The following GULP1 variants were observed in gnomAD, a reference collection of about 807,000 sequenced individuals.
The protein encoded by GULP1 is PTB domain-containing engulfment adapter protein 1.
A neutral mutation model predicts 40.9 loss-of-function variants in GULP1; 19 were observed. The ratio of observed to expected loss-of-function variants is 0.46; its 90% CI spans 0.32 to 0.68. The LOEUF (loss-of-function observed/expected upper bound fraction) is 0.68. Among genes scored for constraint, GULP1 ranks in the 30% least tolerant of loss-of-function variants. The pLI is 0.03. For missense variants in GULP1, 312 were observed against 362.2 expected, an observed-to-expected ratio of 0.86 and a Z score of 1.12; for synonymous variants, 119 against 117.6, an observed-to-expected ratio of 1.01 and a Z score of -0.08.
intron 1 of GULP1, among the ~76,000 whole-genome samples, chr2:188,332,655 G>T (rs1421816063): frequency 6.6e-6 from 1 of 152,074 alleles, no homozygotes; most frequent in African/African-American, 2.4e-5. Context: ...TTTCACTGCA[G>T]AGTGGCTGAA....
At chr2:188,465,995 A>T (rs902507452) in intron 2 of GULP1, among the ~76,000 whole-genome samples, 1 of 151,540 alleles carries the variant, frequency 6.6e-6, no homozygotes, top group Non-Finnish European at 1.5e-5. Context: ...GTGTGTGTAG[A>T]TAGTTGTTAA....
chr2:188,475,475 A>T (rs1015828901), intron 2 of GULP1, among the ~76,000 whole-genome samples: 1 of 151,902 alleles, frequency 6.6e-6, no homozygotes, highest in Admixed American at 6.6e-5. Flanking sequence ...AAGCCACGCT[A>T]TTGTTTAATT....
intron 4 of GULP1, among the ~76,000 whole-genome samples, chr2:188,491,088 A>T (rs2062340521): frequency 6.6e-6 from 1 of 152,040 alleles, no homozygotes; most frequent in African/African-American, 2.4e-5. Context: ...ATGAGCCACC[A>T]TGCCTAGCCG....
At chr2:188,304,605 G>T (rs1298910954) in intron 1 of GULP1, among the ~76,000 whole-genome samples, 2 of 152,150 alleles carry the variant, frequency 1.3e-5, no homozygotes, top group Admixed American at 1.3e-4. Context: ...CACCTTTGTA[G>T]CTGTCTTTAC....
intron 1 of GULP1, among the ~76,000 whole-genome samples, chr2:188,332,784 T>G (rs2041782231): frequency 6.6e-6 from 1 of 152,086 alleles, no homozygotes; most frequent in African/African-American, 2.4e-5. Flanking sequence ...TGTTATAAAT[T>G]CAGAACTGTG....
intron 2 of GULP1, among the ~76,000 whole-genome samples, chr2:188,462,634 C>A (rs182946336): frequency 4.6e-5 from 7 of 152,120 alleles, no homozygotes; most frequent in Admixed American, 4.6e-4. Flanking sequence ...TTGTTATATC[C>A]TTTTGCTGAA....
chr2:188,449,611 A>T lies in GULP1; in HGVS notation c.-44-28048A>T, dbSNP rs72911455. Among the ~76,000 whole-genome samples, 804 of 152,310 alleles carry T rather than the reference A, an allele frequency of 5.3e-3. 7 individuals are homozygous for T. Among genetic ancestry groups the T allele is most frequent in the Middle Eastern group, 0.01 (3 of 294 alleles). On this transcript the variant is annotated intron_variant, in intron 2 of 11. Transcript: ENST00000409830. ...TGGGTAGTATAGAGTATGGAGTACA[A>T]TGATGAAGCTAAAAATTAAAATAGG...
intron 1 of GULP1, among the ~76,000 whole-genome samples, chr2:188,355,919 G>A (rs1449330559): frequency 6.6e-6 from 1 of 151,948 alleles, no homozygotes; most frequent in Non-Finnish European, 1.5e-5. Flanking sequence ...TCAACAGAAT[G>A]AAAGACAAAA....
chr2:188,422,387 T>C (rs1427573149), intron 2 of GULP1, among the ~76,000 whole-genome samples: 2 of 151,332 alleles, frequency 1.3e-5, no homozygotes. Context: ...TATGTATATG[T>C]ATACACACAC....
chr2:188,494,784 T>C (rs2062742665), intron 4 of GULP1, among the ~76,000 whole-genome samples: 1 of 152,068 alleles, frequency 6.6e-6, no homozygotes, highest in Non-Finnish European at 1.5e-5. Context: ...ATCTCTCTTA[T>C]ATGTTCTTTT....
Position 188,369,805 on chromosome 2 carries a change from G to A in GULP1, c.-171-13958G>A, listed in dbSNP as rs549476008. ...TAATTCTCTTCCCATCCCGCTCAGA[G>A]TCTAGAGCCTATTCTTGGTTCAGGT... On this transcript the variant is annotated intron_variant, in intron 1 of 11. Coordinates refer to ENST00000409830, the MANE Select transcript of GULP1 (RefSeq NM_016315.4). Among the ~76,000 whole-genome samples, 7 of 152,246 alleles carry A rather than the reference G, an allele frequency of 4.6e-5. No individual in the cohort carries two copies. In the South Asian group the frequency reaches 1.5e-3, roughly 32 times the overall value.
intron 2 of GULP1, among the ~76,000 whole-genome samples, chr2:188,438,669 C>T (rs1340855757): frequency 7.5e-6 from 1 of 134,188 alleles, no homozygotes; most frequent in African/African-American, 3.3e-5. Context: ...ATATATATAT[C>T]ACAAAAAAAA....
chr2:188,570,443 G>C (rs1216247338), intron 9 of GULP1, among the ~76,000 whole-genome samples: 1 of 152,066 alleles, frequency 6.6e-6, no homozygotes. Flanking sequence ...ACTATTTGCT[G>C]GGTTAGATTT....
At position 188,594,908 on chromosome 2, in the gene GULP1, CTTT is replaced by C. The variant is rs1426657316; in HGVS notation, c.*898_*900del. The C allele has an allele frequency of 6.6e-6, 1 of 151,626 alleles. No individual in the cohort carries two copies. Among genetic ancestry groups the C allele is most frequent in the Non-Finnish European group, 1.5e-5 (1 of 67,724 alleles). 9.4% of individuals were successfully genotyped at this position (151,626 alleles called of 1,614,324 possible). ...AGGACTACTCTTCTCATATTTTCTT[CTTT>C]GATGAAGATATTTTTCACCAAAGTT... is the stretch of plus-strand genomic sequence containing the variant. On this transcript the variant is annotated 3_prime_UTR_variant, in exon 12 of 12. Transcript: ENST00000409830.
At chr2:188,465,276 C>T (rs780870997) in intron 2 of GULP1, among the ~76,000 whole-genome samples, 1 of 152,084 alleles carries the variant, frequency 6.6e-6, no homozygotes, top group Non-Finnish European at 1.5e-5. Context: ...AGGTTCCTTT[C>T]TGGTACATGG....
rs188836512 is a variant in GULP1, at chr2:188,585,930, T to C, written c.748+1527T>C. Among the ~76,000 whole-genome samples the C allele has an allele frequency of 7.5e-3, 1,145 of 152,354 alleles. 9 individuals carry two copies. The highest frequency in any genetic ancestry group is 0.015 in the South Asian group (71 of 4,830). On this transcript the variant is annotated intron_variant, in intron 10 of 11. Transcript: ENST00000409830. ...TCGGGCTGCATATTTTCCAAACTTT[T>C]TGCTCTGCTTCCTTTTTAAACGTAA...
chr2:188,570,618 A>G (rs2153433368), intron 9 of GULP1, among the ~76,000 whole-genome samples: 1 of 151,986 alleles, frequency 6.6e-6, no homozygotes, highest in South Asian at 2.1e-4. Context: ...TGCAGACAAA[A>G]CTCAAGTCTT....
At chr2:188,411,512 C>G (rs1192972008) in intron 2 of GULP1, among the ~76,000 whole-genome samples, 1 of 152,114 alleles carries the variant, frequency 6.6e-6, no homozygotes, top group Non-Finnish European at 1.5e-5. Flanking sequence ...GGGAAATAGG[C>G]TGAGTGGTGT....
chr2:188,419,258 T>G (rs1047077296), intron 2 of GULP1, among the ~76,000 whole-genome samples: 2 of 152,184 alleles, frequency 1.3e-5, no homozygotes, highest in African/African-American at 4.8e-5. Context: ...TTTTTTTAAG[T>G]TGTTTGAGAA....
Sources: gnomAD v4.1 joint callset for allele counts (sites outside exome capture counted in the v4.1 genomes callset) on GRCh38, gnomAD v4.1.1 for gene constraint, MANE v1.5 for transcripts, NCBI Gene and HGNC (gene_info 2026-07-23, HGNC 2026-07-21) for gene names.